Variants in ASIC2 observed in about 807,000 individuals in gnomAD.
ASIC2 encodes acid sensing ion channel subunit 2.
In ASIC2, 25 loss-of-function variants were observed where a neutral mutation model predicts 57.3. That is an observed-to-expected ratio of 0.44 (90% CI 0.32 to 0.61). The LOEUF is 0.61. ASIC2 is among the 20% of genes least tolerant of loss of function. The pLI is 0.06. For synonymous variants in ASIC2, 319 were observed against 307.5 expected, an observed-to-expected ratio of 1.04 and a Z score of -0.39; for missense variants, 641 against 738.1, an observed-to-expected ratio of 0.87 and a Z score of 1.52.
At chr17:33,166,931 A>G (rs1329348289) in intron 1 of ASIC2, among the ~76,000 whole-genome samples, 1 of 152,274 alleles carries the variant, frequency 6.6e-6, no homozygotes, top group Non-Finnish European at 1.5e-5. Flanking sequence ...AGAAAAGAGC[A>G]TCATTTGGTA....
chr17:34,031,232 G>A (rs916329559), intron 1 of ASIC2, among the ~76,000 whole-genome samples: 43 of 152,222 alleles, frequency 2.8e-4, no homozygotes, highest in Non-Finnish European at 4.7e-4. Flanking sequence ...AGCCACCGCT[G>A]TGGATACCCA....
At chr17:33,438,245 G>A (rs1003782899) in intron 1 of ASIC2, among the ~76,000 whole-genome samples, 1 of 152,162 alleles carries the variant, frequency 6.6e-6, no homozygotes, top group Admixed American at 6.5e-5. Context: ...CCTTTAAATA[G>A]TAGCTTGGAG....
chr17:34,085,990 C>T (rs1357520690), intron 1 of ASIC2, among the ~76,000 whole-genome samples: 1 of 151,774 alleles, frequency 6.6e-6, no homozygotes, highest in Non-Finnish European at 1.5e-5. Context: ...AAAAAACCAG[C>T]TCCTGGATTC....
chr17:33,885,785 A>G (rs1376202983), intron 1 of ASIC2, among the ~76,000 whole-genome samples: 1 of 152,086 alleles, frequency 6.6e-6, no homozygotes, highest in Non-Finnish European at 1.5e-5. Context: ...CTTAGGAGGG[A>G]TTTATCAGTT....
chr17:34,073,446 G>A (rs1024119462), intron 1 of ASIC2, among the ~76,000 whole-genome samples: 1 of 152,202 alleles, frequency 6.6e-6, no homozygotes, highest in Non-Finnish European at 1.5e-5. Flanking sequence ...GGACTGTAGG[G>A]AAAGTTAGAT....
intron 1 of ASIC2, among the ~76,000 whole-genome samples, chr17:33,520,102 C>T (rs973496815): frequency 2.6e-5 from 4 of 152,296 alleles, no homozygotes; most frequent in Admixed American, 1.3e-4. Context: ...ATCTTTGCAA[C>T]GAGAATTCTG....
chr17:33,939,006 G>A (rs1367208314), intron 1 of ASIC2, among the ~76,000 whole-genome samples: 1 of 152,190 alleles, frequency 6.6e-6, no homozygotes, highest in Non-Finnish European at 1.5e-5. Flanking sequence ...GCACTGCCCG[G>A]GGCCAGCCCT....
At chr17:33,337,586 G>A (rs148541937) in intron 1 of ASIC2, among the ~76,000 whole-genome samples, 9 of 152,312 alleles carry the variant, frequency 5.9e-5, no homozygotes, top group African/African-American at 1.7e-4. Flanking sequence ...GAGATAATTC[G>A]TTTGGCAAAC....
At chr17:33,301,187 G>A (rs1905945704) in intron 1 of ASIC2, among the ~76,000 whole-genome samples, 1 of 150,704 alleles carries the variant, frequency 6.6e-6, no homozygotes, top group African/African-American at 2.5e-5. Context: ...GCACCACCAT[G>A]CCTGGCTAAT....
chr17:33,958,762 C>T (rs1193115043), intron 1 of ASIC2, among the ~76,000 whole-genome samples: 1 of 152,188 alleles, frequency 6.6e-6, no homozygotes, highest in Non-Finnish European at 1.5e-5. Context: ...TGGTGATTAA[C>T]ATTTGGCTCC....
At chr17:33,297,453 T>G (rs1184430403), upstream of ASIC2, among the ~76,000 whole-genome samples, 1 of 152,164 alleles carries the variant, frequency 6.6e-6, no homozygotes. Context: ...GTTCTTGGTG[T>G]GCTGCTTAGA....
chr17:33,233,364 C>T (rs914471614), intron 1 of ASIC2, among the ~76,000 whole-genome samples: 7 of 151,988 alleles, frequency 4.6e-5, no homozygotes, highest in African/African-American at 9.7e-5. Context: ...GGAGGTTTTC[C>T]CTCTAGCAGC....
chr17:33,153,617 T>C (rs191043329), intron 1 of ASIC2, among the ~76,000 whole-genome samples: 52 of 152,312 alleles, frequency 3.4e-4, no homozygotes, highest in Non-Finnish European at 6.2e-4. Context: ...GCTTTCACAA[T>C]TTAAGTGATA....
At chr17:33,221,140 C>T (rs1187348328) in intron 1 of ASIC2, among the ~76,000 whole-genome samples, 1 of 151,820 alleles carries the variant, frequency 6.6e-6, no homozygotes, top group Admixed American at 6.6e-5. Flanking sequence ...ACAGTGGCTT[C>T]AATTCTTTCA....
intron 1 of ASIC2, among the ~76,000 whole-genome samples, chr17:33,874,006 C>G (rs956837865): frequency 5.9e-5 from 9 of 152,256 alleles, no homozygotes; most frequent in African/African-American, 1.7e-4. Context: ...TTTCTCATCT[C>G]AGAAGACTTT....
chr17:34,033,554 C>CA (rs1907720176), intron 1 of ASIC2, among the ~76,000 whole-genome samples: 1 of 152,060 alleles, frequency 6.6e-6, no homozygotes, highest in South Asian at 2.1e-4. Context: ...AAAAACCCTT[C>CA]AAAAAATTAA....
chr17:33,035,958 C>T (rs2091907193), intron 3 of ASIC2, among the ~76,000 whole-genome samples: 1 of 152,210 alleles, frequency 6.6e-6, no homozygotes, highest in African/African-American at 2.4e-5. Context: ...GGTTGAGCTC[C>T]ATCCCCAGTA....
intron 3 of ASIC2, among the ~76,000 whole-genome samples, chr17:33,071,133 AT>A (rs760141625): frequency 9.2e-5 from 14 of 151,704 alleles, no homozygotes; most frequent in Non-Finnish European, 1.6e-4. Flanking sequence ...TTTTATGTGG[AT>A]TTATAATTTT....
Position 33,891,954 on chromosome 17 carries a change from C to G in ASIC2, c.555+264024G>C, listed in dbSNP as rs551521232. Among the ~76,000 whole-genome samples, 12 of 152,282 alleles carry G rather than the reference C, an allele frequency of 7.9e-5. 1 individual carries two copies. The East Asian group carries it at 2.3e-3, about 29-fold the overall frequency. On this transcript the variant is annotated intron_variant, in intron 1 of 9. Coordinates refer to the ASIC2 transcript ENST00000359872. ...GCTCTATTTTTTCTTTACTTGGCAT[C>G]TTTGTCTACCATTTTCCCTTCTGAC...
Sources: gnomAD v4.1 joint callset for allele counts (sites outside exome capture counted in the v4.1 genomes callset) on GRCh38, gnomAD v4.1.1 for gene constraint, MANE v1.5 for transcripts, NCBI Gene and HGNC (gene_info 2026-07-23, HGNC 2026-07-21) for gene names.